LDB2: variants seen among roughly 807,000 people sequenced by gnomAD.
LDB2 encodes LIM domain binding 2, also known as LIM domain-binding protein 2.
LDB2 carries 12 observed loss-of-function variants against 44.3 expected under a neutral mutation model. The observed-to-expected ratio is 0.27, with a 90% CI of 0.17 to 0.44. The LOEUF (loss-of-function observed/expected upper bound fraction) is 0.44, where lower values mean the gene tolerates loss of function less well. Ranked by LOEUF, LDB2 falls within the 20% of genes least tolerant of loss-of-function variation. The pLI is 1.00. For synonymous variants in LDB2, 164 were observed against 174.8 expected (o/e 0.94, Z 0.49); for missense variants, 344 against 473.5 (o/e 0.73, Z 2.54).
intron 1 of LDB2, among the ~76,000 whole-genome samples, chr4:16,863,752 C>G (rs1261781177): frequency 1.3e-5 from 2 of 151,012 alleles, no homozygotes; most frequent in Middle Eastern, 3.2e-3. Context: ...GCTCTGCCTC[C>G]CGGGTTCACG....
intron 5 of LDB2, among the ~76,000 whole-genome samples, chr4:16,565,659 A>C (rs941135472): frequency 1.2e-4 from 19 of 152,046 alleles, no homozygotes; most frequent in African/African-American, 4.6e-4. Flanking sequence ...CAAAAGAAAG[A>C]AATAAGATAT....
At chr4:16,747,174 C>T (rs952753835) in intron 2 of LDB2, among the ~76,000 whole-genome samples, 6 of 152,090 alleles carry the variant, frequency 3.9e-5, no homozygotes, top group African/African-American at 7.2e-5. Context: ...TAAGGCATGG[C>T]GCTGGTCTGA....
chr4:16,829,226 C>G (rs978022250), intron 1 of LDB2, among the ~76,000 whole-genome samples: 5 of 152,140 alleles, frequency 3.3e-5, no homozygotes, highest in African/African-American at 7.2e-5. Flanking sequence ...CCCAGTCAAT[C>G]GGTGGTGAGA....
intron 3 of LDB2, among the ~76,000 whole-genome samples, chr4:16,594,251 G>A (rs2152436994): frequency 6.6e-6 from 1 of 152,100 alleles, no homozygotes; most frequent in East Asian, 1.9e-4. Context: ...AGAAATGAAT[G>A]GCTTGCAAAA....
At chr4:16,649,363 C>G (rs13111009) in intron 2 of LDB2, among the ~76,000 whole-genome samples, 28,801 of 152,062 alleles carry the variant, frequency 0.19, 2,764 homozygotes, top group South Asian at 0.27. Flanking sequence ...ATTTCACTTT[C>G]CTTAGGTTTC....
At chr4:16,614,954 C>T (rs1220994985) in intron 2 of LDB2, among the ~76,000 whole-genome samples, 1 of 149,330 alleles carries the variant, frequency 6.7e-6, no homozygotes, top group Non-Finnish European at 1.5e-5. Flanking sequence ...CCTGTAGTCC[C>T]AGCTACTTGG....
At chr4:16,510,875 T>C (rs898988815) in intron 6 of LDB2, among the ~76,000 whole-genome samples, 1 of 152,216 alleles carries the variant, frequency 6.6e-6, no homozygotes, top group African/African-American at 2.4e-5. Flanking sequence ...TAATGAATAA[T>C]ATATCAATTA....
At chr4:16,554,702 C>T (rs1244118101) in intron 5 of LDB2, among the ~76,000 whole-genome samples, 1 of 152,184 alleles carries the variant, frequency 6.6e-6, no homozygotes, top group African/African-American at 2.4e-5. Flanking sequence ...AACCATATAA[C>T]ATTCTAGAAA....
intron 1 of LDB2, among the ~76,000 whole-genome samples, chr4:16,898,118 G>A (rs1036300189): frequency 1.3e-5 from 2 of 151,760 alleles, no homozygotes; most frequent in Non-Finnish European, 2.9e-5. Flanking sequence ...AACCCGGCAT[G>A]TGAATCAAGT....
At chr4:16,733,994 C>T (rs1480126786) in intron 2 of LDB2, among the ~76,000 whole-genome samples, 1 of 152,098 alleles carries the variant, frequency 6.6e-6, no homozygotes, top group Non-Finnish European at 1.5e-5. Flanking sequence ...GGCAGCCTGA[C>T]ATAGGGAAAA....
intron 1 of LDB2, among the ~76,000 whole-genome samples, chr4:16,808,489 A>AT (rs1232912719): frequency 6.6e-6 from 1 of 152,076 alleles, no homozygotes; most frequent in East Asian, 1.9e-4. Flanking sequence ...GTTTTGAGGG[A>AT]TTTTTTAAAG....
In LDB2 at chr4:16,535,041, G is replaced by T. The variant is rs79967616; in HGVS notation, c.616-22937C>A. ...TGATACACAGCTGTCATTTTTGACAGGTTGAAAGAAAGTAAGAAGTTCTCC... is the reference window on the plus strand; with the variant it reads ...TGATACACAGCTGTCATTTTTGACATGTTGAAAGAAAGTAAGAAGTTCTCC... On this transcript the variant is annotated intron_variant, in intron 5 of 7. Transcript: ENST00000304523. Among the ~76,000 whole-genome samples the T allele has an allele frequency of 2.4e-3, 371 of 152,322 alleles. 2 individuals are homozygous for T. The highest frequency in any genetic ancestry group is 2.2e-3 in the Non-Finnish European group (152 of 68,032).
chr4:16,785,683 T>TGCTG (rs1266097810), intron 1 of LDB2, among the ~76,000 whole-genome samples: 2 of 152,134 alleles, frequency 1.3e-5, no homozygotes, highest in African/African-American at 4.8e-5. Flanking sequence ...ACAACATATT[T>TGCTG]GCTGGCTGGC....
At chr4:16,563,550 G>A (rs564811804) in intron 5 of LDB2, among the ~76,000 whole-genome samples, 6 of 139,472 alleles carry the variant, frequency 4.3e-5, no homozygotes, top group Non-Finnish European at 9.2e-5. Flanking sequence ...CCGGGTTCAC[G>A]CCATTCTCCT....
intron 5 of LDB2, among the ~76,000 whole-genome samples, chr4:16,565,286 C>G (rs1035039447): frequency 6.6e-6 from 1 of 152,046 alleles, no homozygotes; most frequent in African/African-American, 2.4e-5. Flanking sequence ...TGAGTTGATG[C>G]ATGTAAAGAA....
At chr4:16,609,703 T>G (rs1405301035) in intron 2 of LDB2, among the ~76,000 whole-genome samples, 3 of 152,122 alleles carry the variant, frequency 2.0e-5, no homozygotes, top group Non-Finnish European at 4.4e-5. Flanking sequence ...CAGATCTCCC[T>G]GGGCCTGAGC....
At chr4:16,683,745 AG>A (rs1201399996) in intron 2 of LDB2, among the ~76,000 whole-genome samples, 3 of 152,232 alleles carry the variant, frequency 2.0e-5, no homozygotes, top group Non-Finnish European at 2.9e-5. Flanking sequence ...TGAACCTTCA[AG>A]GCTCAGCAGC....
At chr4:16,667,081 T>C (rs778059195) in intron 2 of LDB2, among the ~76,000 whole-genome samples, 1 of 152,156 alleles carries the variant, frequency 6.6e-6, no homozygotes, top group Non-Finnish European at 1.5e-5. Context: ...TATATATTTA[T>C]TTAAGAGGAT....
At chr4:16,541,483 A>G (rs1733747889) in intron 5 of LDB2, among the ~76,000 whole-genome samples, 1 of 152,162 alleles carries the variant, frequency 6.6e-6, no homozygotes, top group Non-Finnish European at 1.5e-5. Flanking sequence ...TTTCTTCGTA[A>G]ATTACCCAGT....
Sources: allele counts gnomAD v4.1 joint callset (sites outside exome capture counted in the v4.1 genomes callset), GRCh38; gene constraint gnomAD v4.1.1; transcripts MANE v1.5; gene names NCBI Gene and HGNC (gene_info 2026-07-23, HGNC 2026-07-21).